XYLT1: variants seen among roughly 807,000 people sequenced by gnomAD.
XYLT1 encodes beta-D-xylosyltransferase 1.
Under a neutral mutation model 91.3 loss-of-function variants are expected in XYLT1, and 36 were observed. The observed-to-expected ratio is 0.39, with a 90% CI of 0.30 to 0.52. The LOEUF (loss-of-function observed/expected upper bound fraction) is 0.52, where lower values mean the gene tolerates loss of function less well. XYLT1 is among the 20% of genes least tolerant of loss of function. XYLT1 has a pLI of 0.68. For missense variants in XYLT1, 1,242 were observed against 1,284.5 expected, an observed-to-expected ratio of 0.97 and a Z score of 0.51; for synonymous variants, 588 against 532.0, an observed-to-expected ratio of 1.11 and a Z score of -1.45.
intron 1 of XYLT1, among the ~76,000 whole-genome samples, chr16:17,364,018 T>C (rs777837337): frequency 9.2e-5 from 14 of 152,194 alleles, no homozygotes; most frequent in Admixed American, 9.2e-4. Flanking sequence ...TCAGATTGGA[T>C]GAGGGCCCCA....
At chr16:17,144,164 T>C (rs1271568592) in intron 6 of XYLT1, among the ~76,000 whole-genome samples, 1 of 152,234 alleles carries the variant, frequency 6.6e-6, no homozygotes, top group Non-Finnish European at 1.5e-5. Flanking sequence ...ACAAGCTTCA[T>C]GTGAGCTAGG....
At chr16:17,469,160 C>T (rs1447737459) in intron 1 of XYLT1, among the ~76,000 whole-genome samples, 2 of 152,220 alleles carry the variant, frequency 1.3e-5, no homozygotes, top group African/African-American at 4.8e-5. Flanking sequence ...CAGAAAGGGT[C>T]GCACAGACTC....
At chr16:17,231,886 GACATTACTGT>G (rs1244272667) in intron 3 of XYLT1, among the ~76,000 whole-genome samples, 3 of 151,554 alleles carry the variant, frequency 2.0e-5, no homozygotes, top group African/African-American at 4.9e-5. Context: ...GAAGGTGTAG[GACATTACTGT>G]ACATTACTGT....
chr16:17,253,666 A>C (rs113367201), intron 3 of XYLT1, among the ~76,000 whole-genome samples: 2 of 152,126 alleles, frequency 1.3e-5, no homozygotes, highest in Non-Finnish European at 2.9e-5. Flanking sequence ...AGGCACAGAG[A>C]GGTCAAGCAA....
intron 1 of XYLT1, among the ~76,000 whole-genome samples, chr16:17,384,799 C>T (rs778055433): frequency 6.6e-6 from 1 of 151,858 alleles, no homozygotes; most frequent in African/African-American, 2.4e-5. Context: ...AGTAAAAATC[C>T]GCATTCCAAA....
At chr16:17,128,461 T>G (rs774135475) in intron 9 of XYLT1, among the ~76,000 whole-genome samples, 6 of 152,216 alleles carry the variant, frequency 3.9e-5, no homozygotes, top group Non-Finnish European at 8.8e-5. Flanking sequence ...ATTTTTTGCT[T>G]CTCTAAACAA....
chr16:17,115,330 A>AAG, intron 11 of XYLT1, among the ~76,000 whole-genome samples: 1 of 149,870 alleles, frequency 6.7e-6, no homozygotes, highest in Admixed American at 6.6e-5. Context: ...AAAAAAAAAA[A>AAG]AAAAAAAGCC....
intron 3 of XYLT1, among the ~76,000 whole-genome samples, chr16:17,252,798 T>G (rs1317456767): frequency 6.6e-6 from 1 of 152,166 alleles, no homozygotes; most frequent in Non-Finnish European, 1.5e-5. Context: ...TCTATTTCTC[T>G]TCCCCTGAAT....
intron 1 of XYLT1, among the ~76,000 whole-genome samples, chr16:17,399,986 G>A (rs1378299201): frequency 1.3e-5 from 2 of 152,218 alleles, no homozygotes; most frequent in East Asian, 1.9e-4. Context: ...CAACACAATC[G>A]CTAAGGATCC....
intron 1 of XYLT1, among the ~76,000 whole-genome samples, chr16:17,399,860 G>GT (rs1440853477): frequency 3.3e-5 from 5 of 151,902 alleles, no homozygotes; most frequent in Admixed American, 3.3e-4. Context: ...TGGAAACCAT[G>GT]TTTTTTTACT....
chr16:17,420,559 T>C (rs2036238254), intron 1 of XYLT1, among the ~76,000 whole-genome samples: 1 of 152,140 alleles, frequency 6.6e-6, no homozygotes, highest in South Asian at 2.1e-4. Context: ...CAAGGCTTCT[T>C]CTATCTGGAA....
rs549298023 is a variant in XYLT1 at position 17,225,009 on chromosome 16, C to G, written c.914-24355G>C. Among the ~76,000 whole-genome samples the G allele has an allele frequency of 2.0e-5, 3 of 152,134 alleles. No individual in the cohort carries two copies. In the South Asian group the frequency reaches 6.2e-4, roughly 32 times the overall value. ...TTAACTTACGCAACAGGTGGTGGGC[C>G]GGATTTGGCTTGTGGGCTATCATTT... On this transcript the variant is annotated intron_variant, in intron 3 of 11. Transcript: ENST00000261381.
chr16:17,402,664 C>T (rs903296088), intron 1 of XYLT1, among the ~76,000 whole-genome samples: 1 of 151,914 alleles, frequency 6.6e-6, no homozygotes, highest in African/African-American at 2.4e-5. Context: ...AAATGCCCAT[C>T]ATTAAGCTCT....
At chr16:17,362,633 AAAG>A (rs1434939149) in intron 1 of XYLT1, among the ~76,000 whole-genome samples, 2 of 152,222 alleles carry the variant, frequency 1.3e-5, no homozygotes, top group African/African-American at 2.4e-5. Context: ...AAGCCCCAAC[AAAG>A]AAAGTAGAGA....
At chr16:17,387,706 T>C (rs2035764048) in intron 1 of XYLT1, among the ~76,000 whole-genome samples, 1 of 152,118 alleles carries the variant, frequency 6.6e-6, no homozygotes, top group Admixed American at 6.6e-5. Context: ...ACCCTATATG[T>C]GAGTCCTGCA....
At chr16:17,236,613 G>C (rs2033252622) in intron 3 of XYLT1, among the ~76,000 whole-genome samples, 1 of 152,202 alleles carries the variant, frequency 6.6e-6, no homozygotes, top group Non-Finnish European at 1.5e-5. Context: ...AGTGCCGGAG[G>C]CTGGAGGTCC....
intron 2 of XYLT1, among the ~76,000 whole-genome samples, chr16:17,308,888 T>G (rs1211232693): frequency 1.3e-5 from 2 of 152,122 alleles, no homozygotes; most frequent in African/African-American, 2.4e-5. Context: ...ACAAAGAGCA[T>G]TTAGCGCAGT....
intron 5 of XYLT1, among the ~76,000 whole-genome samples, chr16:17,162,173 C>T (rs2031571014): frequency 6.6e-6 from 1 of 151,984 alleles, no homozygotes; most frequent in East Asian, 1.9e-4. Flanking sequence ...TTGGGGAGGC[C>T]GAGGCAGGTG....
intron 1 of XYLT1, among the ~76,000 whole-genome samples, chr16:17,417,066 G>A (rs8046544): frequency 3.9e-5 from 6 of 152,212 alleles, no homozygotes; most frequent in South Asian, 2.1e-4. Context: ...GTTTGAAGGC[G>A]TAACTTTGTA....
Sources: gnomAD v4.1 joint callset for allele counts (sites outside exome capture counted in the v4.1 genomes callset) on GRCh38, gnomAD v4.1.1 for gene constraint, MANE v1.5 for transcripts, NCBI Gene and HGNC (gene_info 2026-07-23, HGNC 2026-07-21) for gene names.